PTK2: variants seen among roughly 807,000 people sequenced by gnomAD.
PTK2 encodes protein tyrosine kinase 2.
PTK2 carries 45 observed loss-of-function variants against 150.1 expected under a neutral mutation model. The ratio of observed to expected loss-of-function variants is 0.30; its 90% CI spans 0.24 to 0.38. PTK2 has a LOEUF of 0.38. Among genes scored for constraint, PTK2 ranks in the 10% least tolerant of loss-of-function variants. The pLI is 1.00. For synonymous variants in PTK2, 432 were observed against 449.2 expected (o/e 0.96, Z 0.48); for missense variants, 919 against 1,307.3 (o/e 0.70, Z 4.58).
chr8:140,899,055 GT>G (rs945892342), intron 2 of PTK2, among the ~76,000 whole-genome samples: 6 of 152,158 alleles, frequency 3.9e-5, no homozygotes, highest in Non-Finnish European at 7.4e-5. Context: ...TAACGCTTGA[GT>G]TTATTTTCCC....
At chr8:140,932,053 G>A (rs1165121165) in intron 1 of PTK2, among the ~76,000 whole-genome samples, 1 of 150,534 alleles carries the variant, frequency 6.6e-6, no homozygotes, top group Non-Finnish European at 1.5e-5. Flanking sequence ...TGCTGGCACT[G>A]TCCAAAGATC....
chr8:140,663,845 CAG>C (rs1458084138), intron 31 of PTK2, among the ~76,000 whole-genome samples: 2 of 152,066 alleles, frequency 1.3e-5, no homozygotes, highest in Admixed American at 6.6e-5. Flanking sequence ...TTTGTAGAGA[CAG>C]AGTCTCGCTT....
At chr8:140,733,792 T>C (rs747975605) in intron 22 of PTK2, among the ~76,000 whole-genome samples, 2 of 152,192 alleles carry the variant, frequency 1.3e-5, no homozygotes, top group Non-Finnish European at 2.9e-5. Flanking sequence ...GGTTGTTCTA[T>C]GGGGCCTTGA....
intron 25 of PTK2, among the ~76,000 whole-genome samples, chr8:140,702,358 T>C (rs2100031107): frequency 6.6e-6 from 1 of 151,474 alleles, no homozygotes; most frequent in African/African-American, 2.4e-5. Context: ...TAGCTGGGAC[T>C]ACAGGCACAT....
intron 24 of PTK2, among the ~76,000 whole-genome samples, chr8:140,703,349 C>G (rs1393857684): frequency 2.0e-5 from 3 of 152,112 alleles, no homozygotes; most frequent in Non-Finnish European, 4.4e-5. Context: ...CCTGTAGAAG[C>G]TGATAAGGCA....
intron 16 of PTK2, among the ~76,000 whole-genome samples, chr8:140,760,384 G>A (rs1427608078): frequency 1.3e-5 from 2 of 152,138 alleles, no homozygotes; most frequent in Admixed American, 6.5e-5. Flanking sequence ...ATACAAAAGA[G>A]TATTATTTGG....
chr8:140,890,407 T>C, intron 3 of PTK2, 136 bp downstream of exon 3: 1 of 690,034 alleles, frequency 1.4e-6, no homozygotes, highest in Admixed American at 3.1e-5. Context: ...AATCTTATAA[T>C]TAAAAATAGC....
intron 1 of PTK2, among the ~76,000 whole-genome samples, chr8:141,000,488 C>T (rs2154610518): frequency 6.6e-6 from 1 of 152,290 alleles, no homozygotes; most frequent in African/African-American, 2.4e-5. Flanking sequence ...TGCCGACGTC[C>T]CTGCGATTTC....
intron 1 of PTK2, among the ~76,000 whole-genome samples, chr8:140,977,068 A>G (rs1258723732): frequency 4.6e-5 from 7 of 152,242 alleles, no homozygotes; most frequent in Non-Finnish European, 1.0e-4. Context: ...ATGTCTAAAT[A>G]TTAAACTTCT....
At chr8:140,663,067 G>C (rs2083111546) in intron 31 of PTK2, 1 of 281,084 alleles carries the variant, frequency 3.6e-6, no homozygotes, top group African/African-American at 2.2e-5. Context: ...CTGCAGAGTG[G>C]GACAGTGCAT....
chr8:140,845,919 A>G (rs1160021047), intron 7 of PTK2, among the ~76,000 whole-genome samples: 1 of 152,200 alleles, frequency 6.6e-6, no homozygotes. Flanking sequence ...GTGCAAAACA[A>G]TCTGTAGTAA....
chr8:140,820,254 C>T (rs912203033), intron 8 of PTK2, among the ~76,000 whole-genome samples: 1 of 151,510 alleles, frequency 6.6e-6, no homozygotes, highest in East Asian at 1.9e-4. Context: ...GTGTGCACCA[C>T]CACACCTGGC....
At position 140,692,890 on chromosome 8, in the gene PTK2, C is replaced by T. The variant is rs10090908; in HGVS notation, c.2500-6196G>A. Among the ~76,000 whole-genome samples, 1,484 of 152,254 alleles carry T rather than the reference C, an allele frequency of 9.7e-3. 22 individuals are homozygous for T. Among genetic ancestry groups the T allele is most frequent in the African/African-American group, 0.034 (1,405 of 41,528 alleles). On this transcript the variant is annotated intron_variant, in intron 26 of 31. Coordinates refer to ENST00000522684, the Ensembl canonical transcript of PTK2. ...GCCACTGCTCTTTAGTTCCCCGTCT[C>T]GGCATTCATCTTTCATTCAGACTGA...
intron 2 of PTK2, chr8:140,892,759 T>C (rs984578028): frequency 8.9e-6 from 2 of 225,754 alleles, no homozygotes; most frequent in Non-Finnish European, 1.8e-5. Context: ...TAATACCCTA[T>C]ATATATACAG....
chr8:140,742,825 G>C (rs2100056528), intron 20 of PTK2, among the ~76,000 whole-genome samples: 1 of 152,100 alleles, frequency 6.6e-6, no homozygotes, highest in Admixed American at 6.5e-5. Context: ...CCTTTTAACA[G>C]GGTCTTTGGC....
chr8:140,997,543 C>T (rs770610594), intron 1 of PTK2, among the ~76,000 whole-genome samples: 25 of 152,256 alleles, frequency 1.6e-4, no homozygotes, highest in Non-Finnish European at 3.5e-4. Context: ...CAGCAACCAC[C>T]ACCCTGATTT....
exon 32 of PTK2, chr8:140,659,441 A>AG (rs2076209165): frequency 6.3e-7 from 1 of 1,583,318 alleles, no homozygotes; most frequent in Admixed American, 1.7e-5. Flanking sequence ...AAAAGAGGGT[A>AG]GCAAGACGTG....
At chr8:140,675,972 G>A (rs910066451) in intron 27 of PTK2, among the ~76,000 whole-genome samples, 43 of 152,114 alleles carry the variant, frequency 2.8e-4, no homozygotes, top group African/African-American at 9.9e-4. Context: ...GTTTATCATG[G>A]CACTACTCCC....
intron 19 of PTK2, 73 bp downstream of exon 22, chr8:140,744,579 G>T (rs2100057614): frequency 2.1e-6 from 2 of 954,704 alleles, no homozygotes; most frequent in Non-Finnish European, 3.1e-6. Context: ...TCCAAAGACG[G>T]TCCAAATGGG....
Sources: gnomAD v4.1 joint callset for allele counts (sites outside exome capture counted in the v4.1 genomes callset) on GRCh38, gnomAD v4.1.1 for gene constraint, MANE v1.5 for transcripts, NCBI Gene and HGNC (gene_info 2026-07-23, HGNC 2026-07-21) for gene names.